The following BBOX1 variants were observed in gnomAD, a reference collection of about 807,000 sequenced individuals.
BBOX1 encodes gamma-butyrobetaine hydroxylase 1, also known as gamma-butyrobetaine dioxygenase.
Under a neutral mutation model 41.6 loss-of-function variants are expected in BBOX1, and 35 were observed. That is an observed-to-expected ratio of 0.84 (90% confidence interval 0.64 to 1.11). The LOEUF (loss-of-function observed/expected upper bound fraction) is 1.11. BBOX1 is among the 50% of genes most tolerant of loss of function. The pLI, the probability that BBOX1 is intolerant of heterozygous loss-of-function variation, is 0.00. For synonymous variants in BBOX1, 163 were observed against 154.7 expected (o/e 1.05, Z -0.40); for missense variants, 458 against 460.6 (o/e 0.99, Z 0.05).
intron 4 of BBOX1, among the ~76,000 whole-genome samples, chr11:27,068,204 C>G (rs1002777509): frequency 2.0e-5 from 3 of 151,830 alleles, no homozygotes; most frequent in African/African-American, 7.2e-5. Flanking sequence ...ACAGTGAACG[C>G]TTCCCTTTTC....
At position 27,104,590 on chromosome 11, in the gene BBOX1, A is replaced by T. The variant is rs144527810; in HGVS notation, c.534-10862A>T. On this transcript the variant is annotated intron_variant, in intron 5 of 8. Transcript: ENST00000263182. ...TTCGTATTAGTTTAATGGATTGAGT[A>T]AGAGCTATTCTAGATATCGGAAAGG... is the stretch of plus-strand genomic sequence containing the variant. 6.5e-4 allele frequency among the ~76,000 whole-genome samples: 99 copies of T among 152,314 alleles called. 1 individual carries two copies. The highest frequency in any genetic ancestry group is 2.3e-3 in the African/African-American group (95 of 41,582).
At chr11:27,117,598 G>A (rs1289330683) in intron 6 of BBOX1, among the ~76,000 whole-genome samples, 1 of 151,914 alleles carries the variant, frequency 6.6e-6, no homozygotes, top group Non-Finnish European at 1.5e-5. Context: ...AAGGCTTAAA[G>A]AATGAGACTA....
At chr11:27,118,809 A>C (rs991124870) in intron 6 of BBOX1, among the ~76,000 whole-genome samples, 1 of 151,878 alleles carries the variant, frequency 6.6e-6, no homozygotes, top group Non-Finnish European at 1.5e-5. Flanking sequence ...AAAAATTAGC[A>C]CTTGAAATAT....
intron 4 of BBOX1, among the ~76,000 whole-genome samples, chr11:27,078,795 G>A (rs1857724097): frequency 6.6e-6 from 1 of 152,172 alleles, no homozygotes; most frequent in Non-Finnish European, 1.5e-5. Flanking sequence ...ACACTTTGGA[G>A]TCAGAAGAGC....
intron 5 of BBOX1, among the ~76,000 whole-genome samples, chr11:27,103,601 C>T (rs1172685911): frequency 6.6e-6 from 1 of 151,496 alleles, no homozygotes; most frequent in Non-Finnish European, 1.5e-5. Context: ...TTTCTTAATA[C>T]ATCAGTCCAT....
chr11:27,047,687 C>G (rs2133945544), intron 2 of BBOX1, among the ~76,000 whole-genome samples: 1 of 152,076 alleles, frequency 6.6e-6, no homozygotes, highest in Non-Finnish European at 1.5e-5. Flanking sequence ...CCTACAAGAA[C>G]CTAAGATAAA....
At chr11:27,120,923 T>C (rs1899507) in intron 7 of BBOX1, among the ~76,000 whole-genome samples, 4,967 of 152,252 alleles carry the variant, frequency 0.033, 126 homozygotes, top group South Asian at 0.11. Context: ...TCTCCCCTCA[T>C]ATAGCTTATA....
chr11:27,050,458 A>G (rs1359786385), intron 2 of BBOX1, among the ~76,000 whole-genome samples: 1 of 152,132 alleles, frequency 6.6e-6, no homozygotes, highest in Non-Finnish European at 1.5e-5. Context: ...ATATTTTACC[A>G]ATATTAATCA....
intron 4 of BBOX1, among the ~76,000 whole-genome samples, chr11:27,079,816 C>A (rs2134013066): frequency 6.6e-6 from 1 of 152,232 alleles, no homozygotes; most frequent in East Asian, 1.9e-4. Context: ...CTGATGATGG[C>A]AACTCCATCT....
intron 4 of BBOX1, among the ~76,000 whole-genome samples, chr11:27,073,732 A>G (rs1163570745): frequency 7.2e-5 from 11 of 152,204 alleles, no homozygotes; most frequent in Admixed American, 7.2e-4. Flanking sequence ...CTATGCAGCC[A>G]TAAAAAAGGA....
intron 4 of BBOX1, among the ~76,000 whole-genome samples, chr11:27,078,716 G>A (rs1030501247): frequency 2.0e-5 from 3 of 152,122 alleles, no homozygotes; most frequent in Non-Finnish European, 2.9e-5. Flanking sequence ...AGAAGAGAAG[G>A]TAAAAGAGTG....
intron 4 of BBOX1, 91 bp downstream of exon 4, chr11:27,057,406 G>T: frequency 1.0e-6 from 1 of 1,002,290 alleles, no homozygotes; most frequent in Non-Finnish European, 1.5e-6. Flanking sequence ...TCAAACCTTT[G>T]TGCTTTGATT....
chr11:27,071,647 T>C (rs966182138), intron 4 of BBOX1, among the ~76,000 whole-genome samples: 1 of 152,230 alleles, frequency 6.6e-6, no homozygotes, highest in African/African-American at 2.4e-5. Flanking sequence ...ATATCCCTGA[T>C]GAACATCGAT....
rs562315344 is a variant in BBOX1 at position 27,126,715 on chromosome 11, G to A, written c.1004-578G>A. The stretch of plus-strand genomic sequence containing the variant: ...TTTTGAGACGGAGTCTTGCTCTGTC[G>A]CCCAGGCTGGAGTACAGTGGCGTGA... On this transcript the variant is annotated intron_variant, in intron 8 of 8. Transcript: ENST00000263182. Among the ~76,000 whole-genome samples, 444 of 138,242 alleles carry A rather than the reference G, an allele frequency of 3.2e-3. 3 individuals carry two copies. The highest frequency in any genetic ancestry group is 5.4e-3 in the Non-Finnish European group (357 of 65,882). The allele number at this position is 138,242 out of a possible 152,430, so 90.7% of individuals were successfully genotyped here.
chr11:27,084,746 G>A (rs997804526), intron 4 of BBOX1, among the ~76,000 whole-genome samples: 1 of 152,176 alleles, frequency 6.6e-6, no homozygotes, highest in African/African-American at 2.4e-5. Context: ...GCTTCTTTGT[G>A]TCTTTTCCTT....
chr11:27,069,971 A>G (rs1396701557), intron 4 of BBOX1, among the ~76,000 whole-genome samples: 2 of 152,138 alleles, frequency 1.3e-5, no homozygotes, highest in Admixed American at 1.3e-4. Flanking sequence ...TGTCAATAAT[A>G]TCATTCATTT....
intron 7 of BBOX1, among the ~76,000 whole-genome samples, chr11:27,122,276 C>T (rs180975245): frequency 5.5e-4 from 84 of 152,126 alleles, no homozygotes; most frequent in African/African-American, 1.9e-3. Flanking sequence ...CATTCAATCA[C>T]GTAAATTCAA....
intron 4 of BBOX1, among the ~76,000 whole-genome samples, chr11:27,072,651 A>G (rs1260511102): frequency 1.3e-5 from 2 of 152,170 alleles, no homozygotes; most frequent in East Asian, 1.9e-4. Flanking sequence ...GCAGGCATCA[A>G]GCTACCTGAT....
intron 2 of BBOX1, among the ~76,000 whole-genome samples, chr11:27,043,459 C>CAGAGTGTGCAGGTTTGGGGTACAT (rs1564948369): frequency 6.6e-6 from 1 of 151,306 alleles, no homozygotes; most frequent in Non-Finnish European, 1.5e-5. Flanking sequence ...TTGGGGTACA[C>CAGAGTGTGCAGGTTTGGGGTACAT]GTGCAGAATG....
Sources: gnomAD v4.1 joint callset for allele counts (sites outside exome capture counted in the v4.1 genomes callset) on GRCh38, gnomAD v4.1.1 for gene constraint, MANE v1.5 for transcripts, NCBI Gene and HGNC (gene_info 2026-07-23, HGNC 2026-07-21) for gene names.